The following ARL13B variants were observed in gnomAD, a reference collection of about 807,000 sequenced individuals.
The protein encoded by ARL13B is ARF like GTPase 13B.
In ARL13B, 36 loss-of-function variants were observed where a neutral mutation model predicts 56.1. The ratio of observed to expected loss-of-function variants is 0.64; its 90% CI spans 0.49 to 0.85. ARL13B has a LOEUF of 0.85. Ranked by LOEUF, ARL13B falls within the 40% of genes least tolerant of loss-of-function variation. ARL13B has a pLI of 0.00. For missense variants in ARL13B, 519 were observed against 507.1 expected (o/e 1.02, Z -0.23); for synonymous variants, 178 against 171.1 (o/e 1.04, Z -0.32).
intron 5 of ARL13B, among the ~76,000 whole-genome samples, chr3:94,037,703 A>G (rs1176353579): frequency 1.3e-5 from 2 of 151,788 alleles, no homozygotes; most frequent in African/African-American, 4.8e-5. Context: ...CCTTTTATAT[A>G]TAATATTTAT....
chr3:94,046,216 A>G (rs186178453), intron 7 of ARL13B, among the ~76,000 whole-genome samples: 1 of 152,206 alleles, frequency 6.6e-6, no homozygotes, highest in African/African-American at 2.4e-5. Context: ...CAATCAAAAT[A>G]GTGAACATAA....
chr3:94,044,162 G>A (rs1447917167), intron 7 of ARL13B, among the ~76,000 whole-genome samples: 1 of 151,204 alleles, frequency 6.6e-6, no homozygotes, highest in African/African-American at 2.4e-5. Context: ...GCCCCATCTG[G>A]GAAGTGTGGA....
rs1457334801 is a variant in ARL13B at position 93,980,376 on chromosome 3, G to T, written c.-48G>T. 2 of 1,606,130 alleles carry T rather than the reference G, an allele frequency of 1.2e-6. No homozygotes were observed. The highest frequency in any genetic ancestry group is 1.1e-5 in the South Asian group (1 of 91,044). ...GCCCCCGGGGAAGAGCGGGGTGCCG[G>T]TGTCCGCTCCGGGCTCGGATGGGAA... On this transcript the variant is annotated 5_prime_UTR_variant, in exon 1 of 10. Transcript: ENST00000394222.
intron 2 of ARL13B, among the ~76,000 whole-genome samples, chr3:94,002,004 C>A (rs2076063734): frequency 6.6e-6 from 1 of 152,142 alleles, no homozygotes; most frequent in Non-Finnish European, 1.5e-5. Context: ...TCTTAACTTT[C>A]TCAGGTGCTG....
At chr3:94,049,786 C>T (rs1035086532) in intron 8 of ARL13B, among the ~76,000 whole-genome samples, 3 of 151,698 alleles carry the variant, frequency 2.0e-5, no homozygotes, top group Non-Finnish European at 4.4e-5. Context: ...AGAATATGTT[C>T]AAGTTCTATT....
rs143546822 is a variant in ARL13B, at chr3:94,042,966, C to T, written c.799-49C>T. 26 of 1,458,810 alleles carry T rather than the reference C, an allele frequency of 1.8e-5. No individual in the cohort carries two copies. The African/African-American group carries it at 3.4e-4, about 19-fold the overall frequency. 90.4% of individuals were successfully genotyped at this position (1,458,810 alleles called of 1,614,324 possible). Reference sequence around the variant, plus strand: ...TTGATTTCCTCTCCCTTAAAACTATCTTAGATAAAACCATCATAGTAAAGA... The same window carrying T: ...TTGATTTCCTCTCCCTTAAAACTATTTTAGATAAAACCATCATAGTAAAGA... On this transcript the variant is annotated intron_variant, in intron 6 of 9. Coordinates refer to ENST00000394222, the MANE Select transcript of ARL13B (RefSeq NM_001174150.2).
At chr3:94,041,749 AC>A (rs1440948235) in intron 6 of ARL13B, among the ~76,000 whole-genome samples, 1 of 152,186 alleles carries the variant, frequency 6.6e-6, no homozygotes, top group African/African-American at 2.4e-5. Context: ...GCATTGGGTT[AC>A]CAAAGGCAGT....
rs763959837 is a variant in ARL13B at position 94,055,056 on chromosome 3, TAAAAA to T, written c.*1794_*1798del. On this transcript the variant is annotated 3_prime_UTR_variant, in exon 10 of 10. Transcript: ENST00000394222. ...TAGTGTAGCTACTGGCTTCATTTAATAAAAATAAATGATTTTGAAATTAAATATAA... is the reference window on the plus strand; with the variant it reads ...TAGTGTAGCTACTGGCTTCATTTAATTAAATGATTTTGAAATTAAATATAA... 1.7e-5 allele frequency: 6 copies of T among 357,492 alleles called. No homozygotes were observed. Among genetic ancestry groups the T allele is most frequent in the South Asian group, 1.1e-4 (5 of 43,484 alleles). The allele number at this position is 357,492 out of a possible 1,614,324, so 22.1% of individuals were successfully genotyped here.
At chr3:94,040,921 A>G (rs115435680) in intron 6 of ARL13B, among the ~76,000 whole-genome samples, 5,057 of 152,240 alleles carry the variant, frequency 0.033, 121 homozygotes, top group Non-Finnish European at 0.05. Flanking sequence ...CGTATTTCCC[A>G]CAATGTATAG....
At chr3:94,020,014 TC>T (rs1391761253) in intron 3 of ARL13B, among the ~76,000 whole-genome samples, 7 of 152,352 alleles carry the variant, frequency 4.6e-5, no homozygotes, top group African/African-American at 1.7e-4. Flanking sequence ...GCTTTATTTT[TC>T]TTAGCATTTT....
chr3:94,053,522 G>T lies in ARL13B; in HGVS notation c.*259G>T. ...ATTAGCAAGATTTACTGTTGACTCT[G>T]GTTTATACATCCCCACTCATGAGCA... On this transcript the variant is annotated 3_prime_UTR_variant, in exon 10 of 10. Transcript: ENST00000394222. 5.0e-6 allele frequency: 3 copies of T among 598,396 alleles called. No individual in the cohort carries two copies. Among genetic ancestry groups the T allele is most frequent in the South Asian group, 4.6e-5 (3 of 65,824 alleles). 37.1% of individuals were successfully genotyped at this position (598,396 alleles called of 1,614,324 possible).
chr3:94,003,357 G>T (rs1234668344), intron 2 of ARL13B, among the ~76,000 whole-genome samples: 4 of 152,008 alleles, frequency 2.6e-5, no homozygotes, highest in Non-Finnish European at 5.9e-5. Context: ...TTTGTAACTT[G>T]GACAGTAAAT....
chr3:94,008,013 CT>C (rs1348278850), intron 3 of ARL13B, among the ~76,000 whole-genome samples: 1 of 152,120 alleles, frequency 6.6e-6, no homozygotes, highest in Non-Finnish European at 1.5e-5. Flanking sequence ...CACTTTACTT[CT>C]TTGGGCTTAG....
intron 6 of ARL13B, among the ~76,000 whole-genome samples, chr3:94,040,911 C>T (rs1310621412): frequency 6.6e-6 from 1 of 151,992 alleles, no homozygotes; most frequent in African/African-American, 2.4e-5. Context: ...CTCCCAGCAC[C>T]GTATTTCCCA....
At chr3:94,000,784 T>C (rs1204065159) in intron 2 of ARL13B, among the ~76,000 whole-genome samples, 1 of 152,124 alleles carries the variant, frequency 6.6e-6, no homozygotes, top group Non-Finnish European at 1.5e-5. Context: ...ATATTTGCAT[T>C]TTATCTTGGA....
rs78985252 is a variant in ARL13B at position 93,998,925 on chromosome 3, C to CT, written c.130+2995dup. Among the ~76,000 whole-genome samples the CT allele has an allele frequency of 9.3e-3, 1,313 of 141,374 alleles. 13 individuals carry two copies. The highest frequency in any genetic ancestry group is 0.018 in the Middle Eastern group (5 of 274). 92.7% of individuals were successfully genotyped at this position (141,374 alleles called of 152,430 possible). On this transcript the variant is annotated intron_variant, in intron 2 of 9. Coordinates refer to ENST00000394222, the MANE Select transcript of ARL13B (RefSeq NM_001174150.2). ...GATTCTTTTCTGACTTCTCAGCCTTCTTTTTTTTTTTTTTATTTCCGTGTG... is the reference window on the plus strand; with the variant it reads ...GATTCTTTTCTGACTTCTCAGCCTTCTTTTTTTTTTTTTTTATTTCCGTGTG...
At chr3:93,988,063 C>T (rs1710554338) in intron 1 of ARL13B, among the ~76,000 whole-genome samples, 1 of 152,040 alleles carries the variant, frequency 6.6e-6, no homozygotes, top group Non-Finnish European at 1.5e-5. Flanking sequence ...ACACGTTCTA[C>T]CAATTCACAG....
At chr3:94,050,926 T>G in intron 9 of ARL13B, 34 bp downstream of exon 9, 1 of 1,582,760 alleles carries the variant, frequency 6.3e-7, no homozygotes, top group Non-Finnish European at 8.7e-7. Flanking sequence ...AGATATCATC[T>G]GTACATGTCA....
intron 3 of ARL13B, chr3:94,014,954 T>C (rs994110094): frequency 1.2e-6 from 2 of 1,613,844 alleles, no homozygotes; most frequent in African/African-American, 2.7e-5. Context: ...AAACTTCTGT[T>C]GATGTATTCT....
Sources: allele counts gnomAD v4.1 joint callset (sites outside exome capture counted in the v4.1 genomes callset), GRCh38; gene constraint gnomAD v4.1.1; transcripts MANE v1.5; gene names NCBI Gene and HGNC (gene_info 2026-07-23, HGNC 2026-07-21).